CDH13: variants seen among roughly 807,000 people sequenced by gnomAD.
CDH13 encodes the protein cadherin 13, also known as cadherin-13.
Under a neutral mutation model 63.8 loss-of-function variants are expected in CDH13, and 24 were observed. The ratio of observed to expected loss-of-function variants is 0.38; its 90% CI spans 0.27 to 0.53. The LOEUF (loss-of-function observed/expected upper bound fraction) is 0.53. Ranked by LOEUF, CDH13 falls within the 20% of genes least tolerant of loss-of-function variation. The pLI, the probability that CDH13 is intolerant of heterozygous loss-of-function variation, is 0.85. For missense variants in CDH13, 1,049 were observed against 903.1 expected, an observed-to-expected ratio of 1.16 and a Z score of -2.07; for synonymous variants, 503 against 355.3, an observed-to-expected ratio of 1.42 and a Z score of -4.67.
chr16:83,066,798 A>G (rs2032047503), intron 3 of CDH13, among the ~76,000 whole-genome samples: 1 of 152,166 alleles, frequency 6.6e-6, no homozygotes, highest in Non-Finnish European at 1.5e-5. Flanking sequence ...TGGTCAGCAC[A>G]TTTTCTGCTT....
chr16:82,883,260 T>C (rs1390648622), intron 2 of CDH13, among the ~76,000 whole-genome samples: 2 of 152,232 alleles, frequency 1.3e-5, no homozygotes, highest in African/African-American at 4.8e-5. Context: ...CTATTGCTAT[T>C]GTATGTGAAA....
chr16:82,902,123 A>G (rs1449171900), intron 2 of CDH13, among the ~76,000 whole-genome samples: 1 of 152,200 alleles, frequency 6.6e-6, no homozygotes. Flanking sequence ...TTAAAGCAGG[A>G]AAGAACTAAA....
chr16:82,962,757 G>C (rs1907213744), intron 2 of CDH13, among the ~76,000 whole-genome samples: 1 of 152,134 alleles, frequency 6.6e-6, no homozygotes, highest in South Asian at 2.1e-4. Flanking sequence ...TGGTTTTTCA[G>C]ATCTCAAGGT....
At chr16:82,785,113 C>T (rs985303709) in intron 1 of CDH13, among the ~76,000 whole-genome samples, 3 of 152,098 alleles carry the variant, frequency 2.0e-5, no homozygotes, top group African/African-American at 7.2e-5. Flanking sequence ...AGGGAGGGTA[C>T]TGCAGTCTTT....
intron 10 of CDH13, among the ~76,000 whole-genome samples, chr16:83,732,029 G>T (rs1453047193): frequency 6.6e-6 from 1 of 152,196 alleles, no homozygotes; most frequent in Non-Finnish European, 1.5e-5. Context: ...TAATCATCCT[G>T]GTTTATTTAT....
intron 2 of CDH13, among the ~76,000 whole-genome samples, chr16:82,880,663 T>C (rs67220127): frequency 0.026 from 3,962 of 152,294 alleles, 60 homozygotes; most frequent in South Asian, 0.076. Flanking sequence ...CTGCTATGCT[T>C]ACTGTAGTGA....
At position 83,533,889 on chromosome 16, in the gene CDH13, G is replaced by T. The variant is rs143341519; in HGVS notation, c.960+47234G>T. ...GCCCACCTCAGCCTCCCGAGCTGCTGGGATTACAGGCATGAGCCACAGTGC... is the reference window on the plus strand; with the variant it reads ...GCCCACCTCAGCCTCCCGAGCTGCTTGGATTACAGGCATGAGCCACAGTGC... On this transcript the variant is annotated intron_variant, in intron 7 of 13. Coordinates refer to ENST00000567109, the MANE Select transcript of CDH13 (RefSeq NM_001257.5). 1.7e-4 allele frequency among the ~76,000 whole-genome samples: 26 copies of T among 152,238 alleles called. No individual in the cohort carries two copies. The East Asian group carries it at 4.8e-3, about 28-fold the overall frequency.
In CDH13 at chr16:83,137,478, C is replaced by T. The variant is rs557500797; in HGVS notation, c.483+11977C>T. Among the ~76,000 whole-genome samples, 216 of 152,264 alleles carry T rather than the reference C, an allele frequency of 1.4e-3. 1 individual carries two copies. The highest frequency in any genetic ancestry group is 5.0e-3 in the African/African-American group (208 of 41,570). On this transcript the variant is annotated intron_variant, in intron 4 of 13. Coordinates refer to ENST00000567109, the MANE Select transcript of CDH13 (RefSeq NM_001257.5). ...GAGTCAGGGCCGGAGGTCGTGTCTT[C>T]GTTTAACAAATAGACCACATGTTGA...
chr16:83,168,552 A>T (rs1301786393), intron 4 of CDH13, among the ~76,000 whole-genome samples: 1 of 152,064 alleles, frequency 6.6e-6, no homozygotes, highest in Non-Finnish European at 1.5e-5. Context: ...TTCCATTTTC[A>T]AATTAACTTA....
At chr16:83,460,520 T>G (rs989524695) in intron 6 of CDH13, among the ~76,000 whole-genome samples, 1 of 152,162 alleles carries the variant, frequency 6.6e-6, no homozygotes, top group African/African-American at 2.4e-5. Flanking sequence ...TGTGTACGTC[T>G]GATGAACTGC....
chr16:83,538,434 CG>C (rs1567747766), intron 7 of CDH13, among the ~76,000 whole-genome samples: 2 of 152,038 alleles, frequency 1.3e-5, no homozygotes. Context: ...CTAGTGGAGG[CG>C]GAAAAAATGC....
chr16:83,567,410 G>C (rs914603981), intron 7 of CDH13, among the ~76,000 whole-genome samples: 1 of 152,206 alleles, frequency 6.6e-6, no homozygotes, highest in Non-Finnish European at 1.5e-5. Context: ...GCAAATATCT[G>C]CATGTACGAG....
At chr16:82,687,071 G>A (rs534482456) in intron 1 of CDH13, among the ~76,000 whole-genome samples, 3 of 152,226 alleles carry the variant, frequency 2.0e-5, no homozygotes, top group African/African-American at 7.2e-5. Context: ...AATGGGCAGA[G>A]AGGGGAATGG....
At chr16:82,941,310 C>G (rs1055548164) in intron 2 of CDH13, among the ~76,000 whole-genome samples, 11 of 152,172 alleles carry the variant, frequency 7.2e-5, no homozygotes, top group African/African-American at 2.7e-4. Context: ...ATCTCCCATT[C>G]AGTGAAATCT....
chr16:83,093,353 T>C (rs1027438059), intron 3 of CDH13, among the ~76,000 whole-genome samples: 4 of 120,752 alleles, frequency 3.3e-5, no homozygotes, highest in African/African-American at 1.2e-4. Context: ...CTTCGTCTTT[T>C]GCCCCGGCTG....
At chr16:83,423,372 G>A (rs930153714) in intron 6 of CDH13, among the ~76,000 whole-genome samples, 9 of 151,996 alleles carry the variant, frequency 5.9e-5, no homozygotes, top group Non-Finnish European at 8.8e-5. Flanking sequence ...CCACTCACTC[G>A]TTGCTCTTTC....
intron 7 of CDH13, among the ~76,000 whole-genome samples, chr16:83,602,107 CA>C (rs869202510): frequency 7.5e-4 from 6 of 7,960 alleles, no homozygotes; most frequent in African/African-American, 1.6e-3. Flanking sequence ...AGAACAACAA[CA>C]AAAAAAAAAA....
chr16:83,268,849 T>C (rs1419162017), intron 5 of CDH13, among the ~76,000 whole-genome samples: 2 of 152,114 alleles, frequency 1.3e-5, no homozygotes, highest in African/African-American at 4.8e-5. Context: ...CCAGAGCTGC[T>C]CTGCTCACCT....
chr16:83,071,394 C>A (rs568380094), intron 3 of CDH13, among the ~76,000 whole-genome samples: 1 of 152,304 alleles, frequency 6.6e-6, no homozygotes, highest in East Asian at 1.9e-4. Flanking sequence ...GCTCCCCTTC[C>A]TATTAAGAGC....
Sources: allele counts gnomAD v4.1 joint callset (sites outside exome capture counted in the v4.1 genomes callset), GRCh38; gene constraint gnomAD v4.1.1; transcripts MANE v1.5; gene names NCBI Gene and HGNC (gene_info 2026-07-23, HGNC 2026-07-21).